The following SLC37A1 variants were observed in gnomAD, a reference collection of about 807,000 sequenced individuals.
The protein encoded by SLC37A1 is glucose-6-phosphate exchanger SLC37A1.
SLC37A1 carries 49 observed loss-of-function variants against 75.3 expected under a neutral mutation model. That is an observed-to-expected ratio of 0.65 (90% CI 0.52 to 0.83). The LOEUF (loss-of-function observed/expected upper bound fraction) is 0.83. Among genes scored for constraint, SLC37A1 ranks in the 40% least tolerant of loss-of-function variants. The pLI, the probability that SLC37A1 is intolerant of heterozygous loss-of-function variation, is 0.00. For synonymous variants in SLC37A1, 268 were observed against 292.1 expected, an observed-to-expected ratio of 0.92 and a Z score of 0.84; for missense variants, 566 against 695.0, an observed-to-expected ratio of 0.81 and a Z score of 2.09.
chr21:42,549,678 G>A (rs941737323), intron 9 of SLC37A1, among the ~76,000 whole-genome samples: 3 of 152,152 alleles, frequency 2.0e-5, no homozygotes, highest in African/African-American at 7.2e-5. Context: ...AGGGCAGTTT[G>A]GCCAATGTCC....
upstream of SLC37A1, among the ~76,000 whole-genome samples, chr21:42,511,996 C>G (rs1018923018): frequency 1.3e-5 from 2 of 150,570 alleles, no homozygotes; most frequent in Non-Finnish European, 2.9e-5. Flanking sequence ...GGCTAATGTA[C>G]AGCTCTAATG....
Position 42,560,543 on chromosome 21 carries a change from A to G in SLC37A1, c.981+1454A>G, listed in dbSNP as rs1350559175. 2.6e-5 allele frequency: 4 copies of G among 152,302 alleles called. No homozygotes were observed. In the East Asian group the frequency reaches 5.8e-4, roughly 22 times the overall value. The allele number at this position is 152,302 out of a possible 1,614,324, so 9.4% of individuals were successfully genotyped here. On this transcript the variant is annotated intron_variant, in intron 11 of 19. Coordinates refer to ENST00000352133, the MANE Select transcript of SLC37A1 (RefSeq NM_001320537.2). ...ACAATGCAACCCAGACCTCAAAATCATATCACAGAAATTAAAGACTGGGGA... is the reference window on the plus strand; with the variant it reads ...ACAATGCAACCCAGACCTCAAAATCGTATCACAGAAATTAAAGACTGGGGA...
At position 42,552,803 on chromosome 21, in the gene SLC37A1, G is replaced by T. The variant is rs1244196418; in HGVS notation, c.769-1259G>T. Among the ~76,000 whole-genome samples the T allele has an allele frequency of 6.6e-6, 1 of 152,162 alleles. No homozygotes were observed. The highest frequency in any genetic ancestry group is 1.5e-5 in the Non-Finnish European group (1 of 68,034). ...TCCTGGCTGAAAAGCAGGAAGAAGA[G>T]GGCCCGGGTGATGCTGGCAGCCTCT... On this transcript the variant is annotated intron_variant, in intron 9 of 19. Coordinates refer to ENST00000352133, the MANE Select transcript of SLC37A1 (RefSeq NM_001320537.2). The surrounding 1 kb of genome is among the most constrained non-coding windows in gnomAD (Gnocchi z 4.2).
chr21:42,503,378 T>C (rs2054357887), intron 2 of SLC37A1, among the ~76,000 whole-genome samples: 1 of 151,502 alleles, frequency 6.6e-6, no homozygotes, highest in South Asian at 2.1e-4. Context: ...GCCTCCCGAG[T>C]ACCTGGGAAT....
intron 12 of SLC37A1, among the ~76,000 whole-genome samples, 153 bp downstream of exon 12, chr21:42,562,321 G>A (rs115113101): frequency 0.013 from 2,029 of 152,294 alleles, 51 homozygotes; most frequent in African/African-American, 0.046. Flanking sequence ...ATGAAACATA[G>A]GCTAAAAGAA....
chr21:42,528,399 G>A (rs1310677797), intron 3 of SLC37A1, among the ~76,000 whole-genome samples: 1 of 152,206 alleles, frequency 6.6e-6, no homozygotes, highest in African/African-American at 2.4e-5. Context: ...CACCTGGACT[G>A]GGCCAGAAAA....
intron 3 of SLC37A1, among the ~76,000 whole-genome samples, chr21:42,529,952 G>A (rs2054903675): frequency 6.6e-6 from 1 of 151,988 alleles, no homozygotes; most frequent in African/African-American, 2.4e-5. Flanking sequence ...ATACTTCTGG[G>A]AATTTCACCC....
At chr21:42,500,715 A>G (rs1439619131) in intron 1 of SLC37A1, among the ~76,000 whole-genome samples, 2 of 152,248 alleles carry the variant, frequency 1.3e-5, no homozygotes, top group Non-Finnish European at 2.9e-5. Flanking sequence ...TGTGACGAAC[A>G]GATTAGTTTT....
chr21:42,535,625 G>C (rs112341452), intron 5 of SLC37A1, 75 bp downstream of exon 5: 3 of 1,336,358 alleles, frequency 2.2e-6, no homozygotes, highest in Non-Finnish European at 3.2e-6. Context: ...CCGCTATGCT[G>C]AAGTGCACAG....
At chr21:42,572,691 A>AAAAAAAAAAT (rs1491433504) in intron 17 of SLC37A1, among the ~76,000 whole-genome samples, 1 of 126,960 alleles carries the variant, frequency 7.9e-6, no homozygotes, top group Non-Finnish European at 1.9e-5. Context: ...AAAAAAAAAA[A>AAAAAAAAAAT]GAGTGTGTCC....
At chr21:42,575,052 C>G in intron 18 of SLC37A1, 137 bp downstream of exon 18, 1 of 1,448,900 alleles carries the variant, frequency 6.9e-7, no homozygotes, top group Non-Finnish European at 9.1e-7. Context: ...TCTAAATATG[C>G]GTGGTCTAAA....
At chr21:42,568,702 G>C (rs1264452986) in intron 17 of SLC37A1, among the ~76,000 whole-genome samples, 2 of 152,164 alleles carry the variant, frequency 1.3e-5, no homozygotes, top group Non-Finnish European at 2.9e-5. Context: ...TACAGCCCGT[G>C]GGCTAACTCA....
chr21:42,574,891 G>A lies in SLC37A1; in HGVS notation c.1497G>A (p.Met499Ile). 1 of 1,614,174 alleles carries A rather than the reference G, an allele frequency of 6.2e-7. No homozygotes were observed. The highest frequency in any genetic ancestry group is 1.7e-5 in the Admixed American group (1 of 60,024). The change falls in exon 18 of 20, where the codon ATG becomes ATA. Residue 499 changes from methionine (M) to isoleucine (I), a missense_variant. By Grantham distance (10) the Met-to-Ile change is conservative. Coordinates refer to ENST00000352133, the MANE Select transcript of SLC37A1 (RefSeq NM_001320537.2). ...SGWSNVFYML[M>I]FADACALLFL... Reference sequence around the variant, plus strand: ...GGAGCAATGTGTTTTACATGCTGATGTTTGCAGATGCCTGTGCCTTACTGG... The same window carrying A: ...GGAGCAATGTGTTTTACATGCTGATATTTGCAGATGCCTGTGCCTTACTGG...
chr21:42,551,139 A>C (rs964459096), intron 9 of SLC37A1, among the ~76,000 whole-genome samples: 1 of 152,260 alleles, frequency 6.6e-6, no homozygotes, highest in African/African-American at 2.4e-5. Context: ...TTTGCAGATG[A>C]CATGATCTTT....
At chr21:42,529,055 A>T (rs764185334) in intron 3 of SLC37A1, among the ~76,000 whole-genome samples, 11 of 152,220 alleles carry the variant, frequency 7.2e-5, no homozygotes, top group Non-Finnish European at 1.5e-4. Flanking sequence ...TTATCAAGAA[A>T]AGTGTAAAGA....
Position 42,518,355 on chromosome 21 carries a change from C to A in SLC37A1, c.-100C>A, listed in dbSNP as rs62215906. 1 of 1,460,918 alleles carries A rather than the reference C, an allele frequency of 6.8e-7. No individual in the cohort carries two copies. The highest frequency in any genetic ancestry group is 9.6e-7 in the Non-Finnish European group (1 of 1,044,438). 90.5% of individuals were successfully genotyped at this position (1,460,918 alleles called of 1,614,324 possible). On this transcript the variant is annotated 5_prime_UTR_variant, in exon 2 of 20. Coordinates refer to ENST00000352133, the MANE Select transcript of SLC37A1 (RefSeq NM_001320537.2). The stretch of plus-strand genomic sequence containing the variant: ...TTCCACGCTTTCCAGCCTGTGGGAG[C>A]GGCAGGGGCAACAGAGAGAGGATCT...
intron 6 of SLC37A1, 38 bp from the exon 7 acceptor site, chr21:42,542,366 T>C: frequency 6.2e-7 from 1 of 1,600,658 alleles, no homozygotes; most frequent in Non-Finnish European, 8.5e-7. Context: ...CCGGGCCTGC[T>C]TCCCACAGGT....
chr21:42,535,691 A>C (rs1448255740), intron 5 of SLC37A1, 141 bp downstream of exon 5: 4 of 710,428 alleles, frequency 5.6e-6, no homozygotes, highest in Non-Finnish European at 2.5e-6. Context: ...TCCCTTCCCA[A>C]AGACGAGGCC....
At chr21:42,513,503 G>A (rs1392383985), upstream of SLC37A1, among the ~76,000 whole-genome samples, 2 of 151,666 alleles carry the variant, frequency 1.3e-5, no homozygotes, top group Non-Finnish European at 2.9e-5. Flanking sequence ...GACCCTCGCC[G>A]CCTGTGGGGA....
Sources: gnomAD v4.1 joint callset for allele counts (sites outside exome capture counted in the v4.1 genomes callset) on GRCh38, gnomAD v4.1.1 for gene constraint, Gnocchi (gnomAD v3.1) non-coding constraint, MANE v1.5 for transcripts, NCBI Gene and HGNC (gene_info 2026-07-23, HGNC 2026-07-21) for gene names.